Variants in STPG2 observed in about 807,000 individuals in gnomAD.
The protein encoded by STPG2 is sperm tail PG-rich repeat containing 2.
STPG2 carries 56 observed loss-of-function variants against 54.2 expected under a neutral mutation model. The ratio of observed to expected loss-of-function variants is 1.03; its 90% CI spans 0.83 to 1.29. The LOEUF (loss-of-function observed/expected upper bound fraction) is 1.29. Ranked by LOEUF, STPG2 falls within the 50% of genes most tolerant of loss-of-function variation. The pLI is 0.00. For missense variants in STPG2, 596 were observed against 544.9 expected, an observed-to-expected ratio of 1.09 and a Z score of -0.93; for synonymous variants, 200 against 181.8, an observed-to-expected ratio of 1.10 and a Z score of -0.81.
At chr4:98,093,886 C>T (rs914499722) in intron 5 of STPG2, among the ~76,000 whole-genome samples, 6 of 152,194 alleles carry the variant, frequency 3.9e-5, no homozygotes, top group African/African-American at 1.4e-4. Context: ...GGGAATCACC[C>T]ATCCCAGTGG....
chr4:97,894,777 T>G (rs549154064), intron 8 of STPG2, among the ~76,000 whole-genome samples: 67 of 152,000 alleles, frequency 4.4e-4, no homozygotes, highest in Non-Finnish European at 8.4e-4. Flanking sequence ...GCTGGTATCC[T>G]AATTCAGAGA....
intron 7 of STPG2, among the ~76,000 whole-genome samples, chr4:97,965,734 T>C (rs1330269998): frequency 6.6e-6 from 1 of 152,016 alleles, no homozygotes; most frequent in Non-Finnish European, 1.5e-5. Context: ...GGGTCTGGAG[T>C]AGACCTCCAG....
intron 7 of STPG2, among the ~76,000 whole-genome samples, chr4:97,967,308 G>A (rs1459231837): frequency 6.6e-6 from 1 of 151,078 alleles, no homozygotes; most frequent in Non-Finnish European, 1.5e-5. Context: ...TCAACAAAAA[G>A]AGCTAACTAC....
At chr4:97,726,955 A>T (rs963184854) in intron 9 of STPG2, among the ~76,000 whole-genome samples, 3 of 151,886 alleles carry the variant, frequency 2.0e-5, no homozygotes, top group Non-Finnish European at 4.4e-5. Context: ...AATTATTGTT[A>T]AGCATTATTC....
intron 5 of STPG2, among the ~76,000 whole-genome samples, chr4:97,989,445 T>C (rs1236846748): frequency 6.6e-6 from 1 of 152,156 alleles, no homozygotes; most frequent in Non-Finnish European, 1.5e-5. Flanking sequence ...TATGTTTTTT[T>C]CTATACATAT....
At chr4:97,735,498 T>C (rs1724952167) in intron 9 of STPG2, among the ~76,000 whole-genome samples, 2 of 150,890 alleles carry the variant, frequency 1.3e-5, no homozygotes, top group Non-Finnish European at 3.0e-5. Context: ...AATTCAGTGC[T>C]ATATAATTCA....
intron 8 of STPG2, among the ~76,000 whole-genome samples, chr4:97,864,704 G>C (rs111565069): frequency 1.3e-5 from 2 of 151,972 alleles, no homozygotes; most frequent in Non-Finnish European, 2.9e-5. Context: ...CTACAAGGCT[G>C]CAGTAACCAA....
intron 10 of STPG2, among the ~76,000 whole-genome samples, chr4:97,627,589 T>A (rs1734166759): frequency 6.6e-6 from 1 of 152,118 alleles, no homozygotes; most frequent in Non-Finnish European, 1.5e-5. Flanking sequence ...TATACATACA[T>A]ATTGAGAGAC....
chr4:98,118,266 T>C (rs1739577598), intron 3 of STPG2, among the ~76,000 whole-genome samples: 1 of 152,104 alleles, frequency 6.6e-6, no homozygotes. Context: ...AGCGGTCAAT[T>C]TACAAATCTG....
At chr4:97,860,477 ATTTTATTTTATTTT>A (rs1160559801) in intron 8 of STPG2, among the ~76,000 whole-genome samples, 1 of 71,226 alleles carries the variant, frequency 1.4e-5, no homozygotes, top group East Asian at 1.1e-3. Flanking sequence ...GTTTTATTTT[ATTTTATTTTATTTT>A]ATTTTATTTT....
Position 97,744,525 on chromosome 4 carries a change from ATTC to A in STPG2, c.1205-31714_1205-31712del, listed in dbSNP as rs1386072352. Among the ~76,000 whole-genome samples the A allele has an allele frequency of 4.0e-5, 6 of 151,354 alleles. No individual in the cohort carries two copies. In the East Asian group the frequency reaches 9.7e-4, roughly 24 times the overall value. ...TTTAATTGGTTTTGCTTACTATTAG[ATTC>A]TTATTACTATATATTAGTCCCCCCA... On this transcript the variant is annotated intron_variant, in intron 9 of 10. Coordinates refer to ENST00000295268, the MANE Select transcript of STPG2 (RefSeq NM_174952.3).
chr4:97,767,324 T>C (rs1037763044), intron 9 of STPG2, among the ~76,000 whole-genome samples: 2 of 152,152 alleles, frequency 1.3e-5, no homozygotes, highest in Non-Finnish European at 2.9e-5. Flanking sequence ...CAGGGAAGAT[T>C]TGATTTCATT....
intron 10 of STPG2, among the ~76,000 whole-genome samples, chr4:97,643,936 A>C (rs1208908143): frequency 1.3e-5 from 2 of 151,974 alleles, no homozygotes; most frequent in Admixed American, 6.6e-5. Flanking sequence ...GTTATAGTAA[A>C]TTTACCTCAA....
intron 9 of STPG2, among the ~76,000 whole-genome samples, chr4:97,715,626 T>A (rs1724260599): frequency 6.6e-6 from 1 of 152,196 alleles, no homozygotes; most frequent in African/African-American, 2.4e-5. Context: ...GTTTGCTTTA[T>A]AATGAGCTAA....
chr4:97,510,169 T>G (rs1730942299), intron 4 of STPG2, among the ~76,000 whole-genome samples: 1 of 152,230 alleles, frequency 6.6e-6, no homozygotes, highest in Non-Finnish European at 1.5e-5. Flanking sequence ...GAATTTAGAA[T>G]CTGTGTTCCA....
intron 9 of STPG2, among the ~76,000 whole-genome samples, chr4:97,778,067 C>T (rs1043351853): frequency 5.9e-5 from 9 of 152,038 alleles, no homozygotes; most frequent in African/African-American, 1.9e-4. Context: ...ACAGTGGGGA[C>T]AGGACAGTGG....
At chr4:97,492,079 T>C (rs552383397) in intron 4 of STPG2, among the ~76,000 whole-genome samples, 1 of 151,468 alleles carries the variant, frequency 6.6e-6, no homozygotes, top group South Asian at 2.1e-4. Flanking sequence ...TTTAAAGCAC[T>C]CAGTGCACAC....
At chr4:97,674,136 CT>C (rs1722774402) in intron 10 of STPG2, among the ~76,000 whole-genome samples, 1 of 152,122 alleles carries the variant, frequency 6.6e-6, no homozygotes, top group South Asian at 2.1e-4. Context: ...TTCAAGCCTT[CT>C]TTTTTCCTCT....
At chr4:98,130,094 A>T (rs1739943082) in intron 2 of STPG2, among the ~76,000 whole-genome samples, 1 of 152,088 alleles carries the variant, frequency 6.6e-6, no homozygotes, top group Non-Finnish European at 1.5e-5. Flanking sequence ...TCCTGACGTC[A>T]GGTGATCCGC....
Sources: gnomAD v4.1 joint callset for allele counts (sites outside exome capture counted in the v4.1 genomes callset) on GRCh38, gnomAD v4.1.1 for gene constraint, MANE v1.5 for transcripts, NCBI Gene and HGNC (gene_info 2026-07-23, HGNC 2026-07-21) for gene names.